The following PTPRM variants were observed in gnomAD, a reference collection of about 807,000 sequenced individuals.
The protein encoded by PTPRM is receptor-type tyrosine-protein phosphatase mu.
Under a neutral mutation model 186.7 loss-of-function variants are expected in PTPRM, and 47 were observed. The ratio of observed to expected loss-of-function variants is 0.25; its 90% CI spans 0.20 to 0.32. The LOEUF (loss-of-function observed/expected upper bound fraction) is 0.32. Ranked by LOEUF, PTPRM falls within the 10% of genes least tolerant of loss-of-function variation. PTPRM has a pLI of 1.00. For synonymous variants in PTPRM, 668 were observed against 674.9 expected (o/e 0.99, Z 0.16); for missense variants, 1,494 against 1,865.0 (o/e 0.80, Z 3.66).
At chr18:8,263,506 C>T (rs903164616) in intron 19 of PTPRM, among the ~76,000 whole-genome samples, 1 of 152,200 alleles carries the variant, frequency 6.6e-6, no homozygotes, top group Non-Finnish European at 1.5e-5. Context: ...GTTCCTGACA[C>T]TGAGCTCTTA....
At chr18:7,575,741 A>G (rs369694999) in intron 1 of PTPRM, among the ~76,000 whole-genome samples, 2 of 152,172 alleles carry the variant, frequency 1.3e-5, no homozygotes, top group African/African-American at 4.8e-5. Flanking sequence ...TCTTTAGGAC[A>G]TGGCTTGTCT....
chr18:8,053,460 C>G (rs1380917591), intron 7 of PTPRM, among the ~76,000 whole-genome samples: 2 of 152,030 alleles, frequency 1.3e-5, no homozygotes, highest in Non-Finnish European at 2.9e-5. Context: ...GTGTTTCCCC[C>G]AGGAATCAGA....
rs185154291 is a variant in PTPRM at position 8,218,704 on chromosome 18, G to T, written c.2301-25354G>T. Among the ~76,000 whole-genome samples the T allele has an allele frequency of 1.5e-4, 23 of 152,278 alleles. No individual in the cohort carries two copies. In the East Asian group the frequency reaches 4.1e-3, roughly 27 times the overall value. Reference sequence around the variant, plus strand: ...TCCTACTTTTGTGCATGAAGCATGGGTAATGGTTGTCAAAACCTTCTACAT... The same window carrying T: ...TCCTACTTTTGTGCATGAAGCATGGTTAATGGTTGTCAAAACCTTCTACAT... On this transcript the variant is annotated intron_variant, in intron 14 of 32. Coordinates refer to ENST00000580170, the MANE Select transcript of PTPRM (RefSeq NM_001105244.2).
intron 7 of PTPRM, among the ~76,000 whole-genome samples, chr18:8,034,524 C>T (rs1165793422): frequency 6.6e-6 from 1 of 152,124 alleles, no homozygotes; most frequent in Non-Finnish European, 1.5e-5. Context: ...GATAGACATT[C>T]TCATTCCACA....
intron 19 of PTPRM, among the ~76,000 whole-genome samples, chr18:8,262,920 A>G (rs1179406875): frequency 6.6e-6 from 1 of 152,210 alleles, no homozygotes; most frequent in African/African-American, 2.4e-5. Flanking sequence ...ATATAGAACT[A>G]TTAAAAAATA....
chr18:7,973,690 A>G (rs920318729), intron 7 of PTPRM, among the ~76,000 whole-genome samples: 2 of 152,112 alleles, frequency 1.3e-5, no homozygotes, highest in African/African-American at 4.8e-5. Context: ...TTCACATTTT[A>G]TGTAGTTAAA....
intron 14 of PTPRM, among the ~76,000 whole-genome samples, chr18:8,151,619 C>A (rs2093008474): frequency 6.7e-6 from 1 of 150,226 alleles, no homozygotes; most frequent in Non-Finnish European, 1.5e-5. Context: ...ACTTGGTTCC[C>A]TGGTTTCAGC....
chr18:7,592,185 A>G (rs1475564211), intron 1 of PTPRM, among the ~76,000 whole-genome samples: 2 of 152,238 alleles, frequency 1.3e-5, no homozygotes, highest in Non-Finnish European at 2.9e-5. Context: ...CTTGTTTTAA[A>G]TTGGATGGTA....
intron 18 of PTPRM, 86 bp downstream of exon 18, chr18:8,252,585 G>C (rs2094538202): frequency 3.3e-6 from 4 of 1,227,628 alleles, no homozygotes; most frequent in Non-Finnish European, 4.8e-6. Flanking sequence ...AAGCCAGCTG[G>C]TGCTGCTCTG....
At chr18:8,393,801 T>A (rs2148595072) in intron 31 of PTPRM, among the ~76,000 whole-genome samples, 1 of 151,260 alleles carries the variant, frequency 6.6e-6, no homozygotes, top group East Asian at 1.9e-4. Flanking sequence ...GTTGTTGTTG[T>A]TGTTTGAGAG....
At chr18:7,638,547 C>G (rs1167219072) in intron 1 of PTPRM, among the ~76,000 whole-genome samples, 1 of 152,142 alleles carries the variant, frequency 6.6e-6, no homozygotes, top group African/African-American at 2.4e-5. Context: ...TGTGTCTGCC[C>G]TAGTTTTTTA....
chr18:8,163,226 T>C (rs1282193595), intron 14 of PTPRM, among the ~76,000 whole-genome samples: 1 of 152,228 alleles, frequency 6.6e-6, no homozygotes, highest in East Asian at 1.9e-4. Context: ...CAACTTCCTA[T>C]TCATTTGAAT....
At chr18:8,066,757 T>A (rs1166404326) in intron 7 of PTPRM, among the ~76,000 whole-genome samples, 1 of 152,230 alleles carries the variant, frequency 6.6e-6, no homozygotes, top group Non-Finnish European at 1.5e-5. Flanking sequence ...TTAGACCTCA[T>A]ACAGCCTCTG....
intron 14 of PTPRM, among the ~76,000 whole-genome samples, chr18:8,176,679 T>C (rs1190151949): frequency 6.6e-6 from 1 of 152,188 alleles, no homozygotes; most frequent in Admixed American, 6.5e-5. Context: ...AGAAAGGTCA[T>C]GGGAAGATTA....
At chr18:8,282,044 G>T (rs749297946) in intron 19 of PTPRM, among the ~76,000 whole-genome samples, 1 of 151,802 alleles carries the variant, frequency 6.6e-6, no homozygotes, top group African/African-American at 2.4e-5. Context: ...ACATATCAAA[G>T]GATTCATATC....
At chr18:7,652,294 C>T (rs999534710) in intron 1 of PTPRM, among the ~76,000 whole-genome samples, 1 of 152,136 alleles carries the variant, frequency 6.6e-6, no homozygotes, top group African/African-American at 2.4e-5. Context: ...AACACTTTTA[C>T]ACTGTTGGTG....
chr18:7,981,327 C>T (rs1469400407), intron 7 of PTPRM, among the ~76,000 whole-genome samples: 1 of 152,172 alleles, frequency 6.6e-6, no homozygotes, highest in Non-Finnish European at 1.5e-5. Flanking sequence ...GGAACCATAT[C>T]TGCCTGTCTA....
intron 19 of PTPRM, among the ~76,000 whole-genome samples, chr18:8,271,333 T>C (rs969957403): frequency 4.6e-5 from 7 of 151,690 alleles, no homozygotes; most frequent in African/African-American, 1.7e-4. Flanking sequence ...ATAATTAATA[T>C]TATTATTATA....
At position 8,114,774 on chromosome 18, in the gene PTPRM, C is replaced by G. The variant is rs1263136283; in HGVS notation, c.2131-17C>G. 4.4e-6 allele frequency: 7 copies of G among 1,594,738 alleles called. No individual in the cohort carries two copies. In the Admixed American group the frequency reaches 1.0e-4, roughly 24 times the overall value. On this transcript the variant is annotated splice_polypyrimidine_tract_variant and intron_variant, in intron 12 of 32. Coordinates refer to ENST00000580170, the MANE Select transcript of PTPRM (RefSeq NM_001105244.2). Reference sequence around the variant, plus strand: ...AAAACATGAATAATGATTTTTCCCTCTCTTTATTTGACACAGGAAACCAAA... The same window carrying G: ...AAAACATGAATAATGATTTTTCCCTGTCTTTATTTGACACAGGAAACCAAA...
Sources: gnomAD v4.1 joint callset for allele counts (sites outside exome capture counted in the v4.1 genomes callset) on GRCh38, gnomAD v4.1.1 for gene constraint, MANE v1.5 for transcripts, NCBI Gene and HGNC (gene_info 2026-07-23, HGNC 2026-07-21) for gene names.